DOCK2: variants seen among roughly 807,000 people sequenced by gnomAD.
DOCK2 encodes the protein dedicator of cytokinesis protein 2.
A neutral mutation model predicts 248.9 loss-of-function variants in DOCK2; 87 were observed. The observed-to-expected ratio is 0.35, with a 90% confidence interval of 0.29 to 0.42. The LOEUF is 0.42. Ranked by LOEUF, DOCK2 falls within the 10% of genes least tolerant of loss-of-function variation. The probability of loss-of-function intolerance (pLI) is 1.00; values close to 1 mark genes in which losing one functional copy is unlikely to be tolerated. For missense variants in DOCK2, 1,747 were observed against 2,300.2 expected (o/e 0.76, Z 4.92); for synonymous variants, 805 against 821.6 (o/e 0.98, Z 0.35).
At chr5:170,001,374 A>G (rs1468771538) in intron 30 of DOCK2, among the ~76,000 whole-genome samples, 1 of 152,190 alleles carries the variant, frequency 6.6e-6, no homozygotes, top group Non-Finnish European at 1.5e-5. Context: ...TAAACATCGG[A>G]TGGACCAGTG....
intron 27 of DOCK2, among the ~76,000 whole-genome samples, chr5:169,891,128 G>C (rs889144723): frequency 3.3e-5 from 5 of 151,852 alleles, no homozygotes; most frequent in African/African-American, 9.7e-5. Flanking sequence ...ATGGTCCCTG[G>C]CCCTGAACAT....
intron 5 of DOCK2, among the ~76,000 whole-genome samples, chr5:169,673,597 T>G (rs1401067850): frequency 6.6e-6 from 1 of 152,174 alleles, no homozygotes; most frequent in African/African-American, 2.4e-5. Flanking sequence ...CATAGCTCAC[T>G]GCAGTGCTAA....
At position 169,768,154 on chromosome 5, in the gene DOCK2, C is replaced by T. The variant is rs149045037; in HGVS notation, c.2554+6529C>T. On this transcript the variant is annotated intron_variant, in intron 25 of 51. Coordinates refer to ENST00000520908, the MANE Select transcript of DOCK2 (RefSeq NM_004946.3). ...AAGTGACACCTGCCAGTTCCACCCACGGTCCGTTGGCCAGAACACATCACA... is the reference window on the plus strand; with the variant it reads ...AAGTGACACCTGCCAGTTCCACCCATGGTCCGTTGGCCAGAACACATCACA... Among the ~76,000 whole-genome samples the T allele has an allele frequency of 3.1e-4, 47 of 152,296 alleles. No homozygotes were observed. The East Asian group carries it at 8.3e-3, about 27-fold the overall frequency.
At chr5:169,742,321 G>A (rs1053180118) in intron 22 of DOCK2, among the ~76,000 whole-genome samples, 2 of 152,172 alleles carry the variant, frequency 1.3e-5, no homozygotes, top group African/African-American at 4.8e-5. Context: ...ATGGCTTTAT[G>A]TGCATTGTTT....
At chr5:169,815,290 A>G (rs566319931) in intron 26 of DOCK2, among the ~76,000 whole-genome samples, 44 of 152,316 alleles carry the variant, frequency 2.9e-4, no homozygotes, top group African/African-American at 9.9e-4. Flanking sequence ...CTCACAGTTG[A>G]CTAGACCTCC....
At chr5:169,729,529 A>G (rs1309800566) in intron 22 of DOCK2, among the ~76,000 whole-genome samples, 4 of 152,166 alleles carry the variant, frequency 2.6e-5, no homozygotes, top group South Asian at 4.1e-4. Flanking sequence ...ACAGAGACAC[A>G]TTGATTTCAT....
intron 27 of DOCK2, among the ~76,000 whole-genome samples, chr5:169,887,621 A>T (rs949610766): frequency 1.3e-5 from 2 of 152,212 alleles, no homozygotes; most frequent in African/African-American, 4.8e-5. Flanking sequence ...CTATTTAAAT[A>T]GTATTTTTGT....
At chr5:169,859,070 G>A (rs908374372) in intron 27 of DOCK2, among the ~76,000 whole-genome samples, 1 of 152,094 alleles carries the variant, frequency 6.6e-6, no homozygotes, top group African/African-American at 2.4e-5. Context: ...GAGACCTGTT[G>A]GGGAGGTTCC....
intron 26 of DOCK2, among the ~76,000 whole-genome samples, chr5:169,812,778 C>A (rs538106200): frequency 6.6e-6 from 1 of 152,262 alleles, no homozygotes; most frequent in African/African-American, 2.4e-5. Context: ...GCTTCTAAAA[C>A]ATCCCTATAA....
intron 27 of DOCK2, among the ~76,000 whole-genome samples, chr5:169,919,085 C>A (rs1581415831): frequency 6.6e-6 from 1 of 152,224 alleles, no homozygotes; most frequent in African/African-American, 2.4e-5. Flanking sequence ...TCAGCCTTTT[C>A]CTAAGGACAC....
intron 27 of DOCK2, among the ~76,000 whole-genome samples, chr5:169,962,312 C>G (rs913885403): frequency 2.0e-5 from 3 of 152,054 alleles, no homozygotes; most frequent in African/African-American, 7.2e-5. Context: ...GTTATAGGTG[C>G]AGTCAGAAAG....
At chr5:169,820,347 T>C (rs1416826237) in intron 26 of DOCK2, among the ~76,000 whole-genome samples, 2 of 152,122 alleles carry the variant, frequency 1.3e-5, no homozygotes, top group African/African-American at 2.4e-5. Flanking sequence ...GACCCCCAAG[T>C]AGCCTAACTG....
intron 27 of DOCK2, among the ~76,000 whole-genome samples, chr5:169,932,372 G>A (rs895941412): frequency 1.3e-5 from 2 of 152,144 alleles, no homozygotes; most frequent in African/African-American, 4.8e-5. Flanking sequence ...AGTTGAGGAA[G>A]AAAAGGGGAA....
intron 32 of DOCK2, among the ~76,000 whole-genome samples, chr5:170,015,806 T>TTCCC (rs1406155188): frequency 7.4e-6 from 1 of 134,376 alleles, no homozygotes; most frequent in Non-Finnish European, 1.6e-5. Flanking sequence ...CCTTTCTCCC[T>TTCCC]TCCCTCCCTC....
At chr5:170,033,386 A>C (rs1366515433) in intron 34 of DOCK2, among the ~76,000 whole-genome samples, 2 of 152,220 alleles carry the variant, frequency 1.3e-5, no homozygotes, top group East Asian at 3.8e-4. Context: ...TTTAAAAAAT[A>C]ATTTACACAT....
Position 170,082,848 on chromosome 5 carries a change from C to G in DOCK2, c.5483C>G (p.Thr1828Arg). 3 of 1,614,178 alleles carry G rather than the reference C, an allele frequency of 1.9e-6. No homozygotes were observed. Among genetic ancestry groups the G allele is most frequent in the Non-Finnish European group, 2.5e-6 (3 of 1,180,028 alleles). ...AAACAGATCCCAGACTCGCTGTCCA[C>G]GGACCTGTGAGCTGCTGCTGACTAG... is the stretch of plus-strand genomic sequence containing the variant. ...EGKQIPDSLS[T>R]DL The change falls in exon 52 of 52, where the codon ACG (threonine) becomes AGG (arginine). Residue 1828 changes from threonine to arginine, a missense_variant. Thr to Arg is a moderately conservative substitution (Grantham distance 71, BLOSUM62 -1). This residue lies in a region of DOCK2 where 513 missense variants were observed against 586.1 expected (regional missense o/e 0.88). Transcript: ENST00000520908.
At chr5:169,802,245 T>A (rs1767044216) in intron 25 of DOCK2, among the ~76,000 whole-genome samples, 1 of 152,200 alleles carries the variant, frequency 6.6e-6, no homozygotes, top group South Asian at 2.1e-4. Context: ...CACTGCAACC[T>A]CCATTTCCTG....
intron 1 of DOCK2, among the ~76,000 whole-genome samples, chr5:169,651,252 C>T (rs766480250): frequency 6.6e-6 from 1 of 152,210 alleles, no homozygotes; most frequent in Non-Finnish European, 1.5e-5. Flanking sequence ...TTAAGAGGCC[C>T]TTATGCAAAG....
At chr5:169,927,640 G>A (rs889810740) in intron 27 of DOCK2, among the ~76,000 whole-genome samples, 1 of 152,168 alleles carries the variant, frequency 6.6e-6, no homozygotes, top group Non-Finnish European at 1.5e-5. Flanking sequence ...TTTTTGAGAC[G>A]GAGTCTCGCT....
Sources: allele counts gnomAD v4.1 joint callset (sites outside exome capture counted in the v4.1 genomes callset), GRCh38; gene constraint gnomAD v4.1.1; regional missense constraint gnomAD v4.1.1; transcripts MANE v1.5; gene names NCBI Gene and HGNC (gene_info 2026-07-23, HGNC 2026-07-21).